Variants in SEMA5A observed in about 807,000 individuals in gnomAD.
The protein encoded by SEMA5A is semaphorin 5A, also known as semaphorin-5A.
A neutral mutation model predicts 135.5 loss-of-function variants in SEMA5A; 55 were observed. The observed-to-expected ratio is 0.41, with a 90% CI of 0.33 to 0.51. SEMA5A has a LOEUF of 0.51. Ranked by LOEUF, SEMA5A falls within the 20% of genes least tolerant of loss-of-function variation. The probability of loss-of-function intolerance (pLI) is 0.37; values close to 1 mark genes in which losing one functional copy is unlikely to be tolerated. For synonymous variants in SEMA5A, 580 were observed against 546.5 expected, an observed-to-expected ratio of 1.06 and a Z score of -0.85; for missense variants, 1,290 against 1,419.9, an observed-to-expected ratio of 0.91 and a Z score of 1.47.
intron 16 of SEMA5A, among the ~76,000 whole-genome samples, chr5:9,086,231 G>T (rs1164962661): frequency 6.6e-6 from 1 of 152,164 alleles, no homozygotes; most frequent in Non-Finnish European, 1.5e-5. Context: ...GGGAAGGTAT[G>T]ATTGGTTTTG....
At chr5:9,331,259 T>C (rs1185034382) in intron 4 of SEMA5A, among the ~76,000 whole-genome samples, 1 of 152,144 alleles carries the variant, frequency 6.6e-6, no homozygotes, top group African/African-American at 2.4e-5. Context: ...TATTGGCCAG[T>C]TGTTTAAAAT....
At chr5:9,184,273 C>T (rs1744688111) in intron 11 of SEMA5A, among the ~76,000 whole-genome samples, 1 of 150,176 alleles carries the variant, frequency 6.7e-6, no homozygotes, top group African/African-American at 2.5e-5. Flanking sequence ...TTTTCCTCCT[C>T]AATACCTAAA....
chr5:9,282,633 C>A (rs763518093), intron 5 of SEMA5A, among the ~76,000 whole-genome samples: 1 of 152,120 alleles, frequency 6.6e-6, no homozygotes, highest in Non-Finnish European at 1.5e-5. Flanking sequence ...CAGAGGTTCA[C>A]GGAGGCATCA....
chr5:9,176,732 T>A (rs1744225989), intron 11 of SEMA5A, among the ~76,000 whole-genome samples: 1 of 152,118 alleles, frequency 6.6e-6, no homozygotes, highest in Non-Finnish European at 1.5e-5. Flanking sequence ...GCTGATGGTG[T>A]CAGAGGTTGG....
chr5:9,315,612 T>C (rs1040988657), intron 5 of SEMA5A, among the ~76,000 whole-genome samples: 2 of 152,214 alleles, frequency 1.3e-5, no homozygotes, highest in African/African-American at 4.8e-5. Context: ...GACTTCGTGA[T>C]ATCTGAAGGG....
intron 1 of SEMA5A, among the ~76,000 whole-genome samples, chr5:9,445,058 A>G (rs1314369232): frequency 6.6e-6 from 1 of 152,248 alleles, no homozygotes; most frequent in African/African-American, 2.4e-5. Context: ...TCAGATCGTT[A>G]TAGATATCCA....
chr5:9,531,275 T>C (rs1737421238), intron 1 of SEMA5A, among the ~76,000 whole-genome samples: 1 of 152,208 alleles, frequency 6.6e-6, no homozygotes, highest in Non-Finnish European at 1.5e-5. Flanking sequence ...TTCTATCTTT[T>C]CTTTGGCACT....
At chr5:9,376,663 T>C (rs1755375124) in intron 3 of SEMA5A, among the ~76,000 whole-genome samples, 1 of 152,202 alleles carries the variant, frequency 6.6e-6, no homozygotes, top group Non-Finnish European at 1.5e-5. Context: ...AAAAACCCTG[T>C]ACACAACAGG....
chr5:9,305,708 G>GTATA (rs146829804), intron 5 of SEMA5A, among the ~76,000 whole-genome samples: 10,387 of 139,068 alleles, frequency 0.075, 588 homozygotes, highest in Middle Eastern at 0.1. Context: ...GTGTGTGTGC[G>GTATA]TATATATATA....
At chr5:9,184,121 G>GA (rs1744675633) in intron 11 of SEMA5A, among the ~76,000 whole-genome samples, 1 of 150,354 alleles carries the variant, frequency 6.7e-6, no homozygotes, top group African/African-American at 2.4e-5. Context: ...GTGAGTGTCT[G>GA]TTTTTTTTTA....
chr5:9,494,029 A>T (rs1735172756), intron 1 of SEMA5A, among the ~76,000 whole-genome samples: 1 of 152,200 alleles, frequency 6.6e-6, no homozygotes, highest in Non-Finnish European at 1.5e-5. Flanking sequence ...TTTTATATAA[A>T]TTCTTATCTG....
intron 4 of SEMA5A, among the ~76,000 whole-genome samples, chr5:9,327,451 G>A (rs1029721413): frequency 3.3e-5 from 5 of 151,994 alleles, no homozygotes; most frequent in Non-Finnish European, 1.5e-5. Flanking sequence ...CTCCTTAAAA[G>A]TCTTGGTTAT....
chr5:9,327,524 AT>A (rs1278263407), intron 4 of SEMA5A, among the ~76,000 whole-genome samples: 3 of 152,176 alleles, frequency 2.0e-5, no homozygotes, highest in African/African-American at 7.2e-5. Flanking sequence ...GCATTCTTAT[AT>A]ATTTAAATAC....
chr5:9,519,878 A>G (rs1736725985), intron 1 of SEMA5A: 3 of 152,176 alleles, frequency 2.0e-5, no homozygotes, highest in Admixed American at 6.5e-5. Flanking sequence ...GAACTCTGAC[A>G]TATTTCTCTG....
intron 1 of SEMA5A, among the ~76,000 whole-genome samples, chr5:9,520,339 T>A (rs1240838234): frequency 1.3e-5 from 2 of 151,980 alleles, no homozygotes; most frequent in Non-Finnish European, 2.9e-5. Flanking sequence ...AGTAAACCTA[T>A]GGAGGATGAT....
chr5:9,366,345 T>C (rs1387936803), intron 3 of SEMA5A, among the ~76,000 whole-genome samples: 1 of 152,114 alleles, frequency 6.6e-6, no homozygotes, highest in Non-Finnish European at 1.5e-5. Context: ...GTGTCAATAA[T>C]GTCAACAGAA....
intron 16 of SEMA5A, among the ~76,000 whole-genome samples, chr5:9,080,869 T>A (rs1738340400): frequency 6.6e-6 from 1 of 152,282 alleles, no homozygotes; most frequent in East Asian, 1.9e-4. Flanking sequence ...GGGAGAATTC[T>A]AAGAAACCCC....
chr5:9,362,918 G>C (rs1237097719), intron 3 of SEMA5A, among the ~76,000 whole-genome samples: 1 of 152,166 alleles, frequency 6.6e-6, no homozygotes. Flanking sequence ...AAACCATTCA[G>C]CACCACACCT....
At chr5:9,291,278 C>G (rs1208360262) in intron 5 of SEMA5A, among the ~76,000 whole-genome samples, 1 of 152,182 alleles carries the variant, frequency 6.6e-6, no homozygotes, top group Non-Finnish European at 1.5e-5. Flanking sequence ...ATGGTCCCAG[C>G]AGCATGTCCC....
Sources: allele counts gnomAD v4.1 joint callset (sites outside exome capture counted in the v4.1 genomes callset), GRCh38; gene constraint gnomAD v4.1.1; transcripts MANE v1.5; gene names NCBI Gene and HGNC (gene_info 2026-07-23, HGNC 2026-07-21).